HCN4: variants seen among roughly 807,000 people sequenced by gnomAD.
HCN4 encodes potassium/sodium hyperpolarization-activated cyclic nucleotide-gated channel 4.
A neutral mutation model predicts 76.9 loss-of-function variants in HCN4; 29 were observed. The observed-to-expected ratio is 0.38, with a 90% CI of 0.28 to 0.51. The LOEUF is 0.51. HCN4 is among the 20% of genes least tolerant of loss of function. HCN4 has a pLI of 0.90. For synonymous variants in HCN4, 772 were observed against 762.5 expected (o/e 1.01, Z -0.21); for missense variants, 1,416 against 1,715.2 (o/e 0.83, Z 3.08).
Position 73,368,488 on chromosome 15 carries a change from G to C in HCN4, c.-218C>G, listed in dbSNP as rs1156542440. 2.9e-6 allele frequency: 1 copy of C among 346,874 alleles called. No homozygotes were observed. Among genetic ancestry groups the C allele is most frequent in the South Asian group, 1.4e-4 (1 of 6,918 alleles). The allele number at this position is 346,874 out of a possible 1,614,324, so 21.5% of individuals were successfully genotyped here. A position where few individuals can be genotyped will look rare whatever the true frequency, so the allele number is the denominator to read the frequency against. ...GGCTCGCCGCGCTACACCTCCTCCC[G>C]GGCCCGGCTGGGCGCGGGGACCCCG... On this transcript the variant is annotated 5_prime_UTR_variant, in exon 1 of 8. Transcript: ENST00000261917. This position sits in a 1 kb window ranked among gnomAD's most constrained non-coding sequence, Gnocchi z 6.9.
At position 73,321,322 on chromosome 15, in the gene HCN4, G is replaced by C. The variant is rs1366073920; in HGVS notation, c.*1159C>G. On this transcript the variant is annotated 3_prime_UTR_variant, in exon 8 of 8. Transcript: ENST00000261917. Reference sequence around the variant, plus strand: ...ACAGTTTTCTGATGGAAGGAACACAGACTTGGGCCTCAAGGAGGCGTGGAC... The same window carrying C: ...ACAGTTTTCTGATGGAAGGAACACACACTTGGGCCTCAAGGAGGCGTGGAC... The C allele has an allele frequency of 6.6e-6, 1 of 152,162 alleles. No homozygotes were observed. Among genetic ancestry groups the C allele is most frequent in the African/African-American group, 2.4e-5 (1 of 41,422 alleles). The allele number at this position is 152,162 out of a possible 1,614,324, so 9.4% of individuals were successfully genotyped here. A position where few individuals can be genotyped will look rare whatever the true frequency, so the allele number is the denominator to read the frequency against.
At chr15:73,349,193 A>T (rs2043041917) in intron 1 of HCN4, among the ~76,000 whole-genome samples, 1 of 152,114 alleles carries the variant, frequency 6.6e-6, no homozygotes, top group Non-Finnish European at 1.5e-5. Flanking sequence ...CCTCTGGGTT[A>T]TCTTTCCCAT....
Position 73,333,227 on chromosome 15 carries a change from A to C in HCN4, c.1210-935T>G, listed in dbSNP as rs555442591. On this transcript the variant is annotated intron_variant, in intron 2 of 7. Coordinates refer to ENST00000261917, the MANE Select transcript of HCN4 (RefSeq NM_005477.3). ...GCCATGCTGGGGTCCCCTTGCTGAC[A>C]GGGCAGTGGGGGATGGAGAGGTGGA... is the stretch of plus-strand genomic sequence containing the variant. 3.5e-3 allele frequency among the ~76,000 whole-genome samples: 536 copies of C among 152,256 alleles called. 2 individuals carry two copies. The highest frequency in any genetic ancestry group is 0.012 in the African/African-American group (512 of 41,568).
intron 1 of HCN4, among the ~76,000 whole-genome samples, chr15:73,348,225 G>A (rs2043037534): frequency 6.6e-6 from 1 of 152,234 alleles, no homozygotes; most frequent in Non-Finnish European, 1.5e-5. Context: ...TCCTTCCCTG[G>A]AGGCCAAAGA....
intron 3 of HCN4, among the ~76,000 whole-genome samples, chr15:73,331,263 G>A (rs2042930711): frequency 6.6e-6 from 1 of 152,150 alleles, no homozygotes; most frequent in Admixed American, 6.5e-5. Flanking sequence ...TGACCCACTT[G>A]CAAGGTTGGA....
At chr15:73,353,058 ACGGG>A (rs201758249) in intron 1 of HCN4, among the ~76,000 whole-genome samples, 4 of 152,076 alleles carry the variant, frequency 2.6e-5, no homozygotes, top group Admixed American at 6.6e-5. Flanking sequence ...GGACGGACGG[ACGGG>A]AGACTGTTGC....
chr15:73,365,795 A>C (rs1024570932), intron 1 of HCN4, among the ~76,000 whole-genome samples: 2 of 152,128 alleles, frequency 1.3e-5, no homozygotes, highest in African/African-American at 4.8e-5. Context: ...GACAACAAAA[A>C]CAGCAGGGAC....
intron 1 of HCN4, among the ~76,000 whole-genome samples, chr15:73,357,922 C>T (rs1254509785): frequency 6.6e-6 from 1 of 152,170 alleles, no homozygotes; most frequent in African/African-American, 2.4e-5. Context: ...TTCTCAAAAG[C>T]TCTACTGGTC....
At position 73,368,069 on chromosome 15, in the gene HCN4, G is replaced by C. The variant is rs962306052; in HGVS notation, c.202C>G (p.Arg68Gly). 2 of 1,485,730 alleles carry C rather than the reference G, an allele frequency of 1.3e-6. No homozygotes were observed. The highest frequency in any genetic ancestry group is 2.5e-5 in the South Asian group (2 of 79,066). 92.0% of individuals were successfully genotyped at this position (1,485,730 alleles called of 1,614,324 possible). The change falls in exon 1 of 8, where the codon CGG becomes GGG. Residue 68 changes from arginine to glycine, a missense_variant. Physicochemically the swap from Arg to Gly is moderately radical, Grantham distance 125. Transcript: ENST00000261917. The surrounding 1 kb of genome is among the most constrained non-coding windows in gnomAD (Gnocchi z 6.9). ...PSAAAGGTESRSSALGAADSE... is the reference protein window; with the variant it reads ...PSAAAGGTESGSSALGAADSE... The stretch of plus-strand genomic sequence containing the variant: ...TCCGCTGCCCCGAGGGCCGAGCTCC[G>C]GGACTCCGTGCCACCCGCGGCCGCC...
Position 73,320,076 on chromosome 15 carries a change from C to A in HCN4, c.*2405G>T, listed in dbSNP as rs2042847368. 6.6e-6 allele frequency: 1 copy of A among 152,294 alleles called. No homozygotes were observed. Among genetic ancestry groups the A allele is most frequent in the South Asian group, 2.1e-4 (1 of 4,832 alleles). 9.4% of individuals were successfully genotyped at this position (152,294 alleles called of 1,614,324 possible). On this transcript the variant is annotated 3_prime_UTR_variant, in exon 8 of 8. Transcript: ENST00000261917. Reference sequence around the variant, plus strand: ...TAGAGAAGAGGGTGGTTAGGCCAGGCTCTGATGGCAAGGGGGCTCCTCATG... The same window carrying A: ...TAGAGAAGAGGGTGGTTAGGCCAGGATCTGATGGCAAGGGGGCTCCTCATG...
intron 1 of HCN4, among the ~76,000 whole-genome samples, chr15:73,346,354 GAA>G (rs1254372895): frequency 6.6e-6 from 1 of 152,214 alleles, no homozygotes; most frequent in Non-Finnish European, 1.5e-5. Context: ...TCATAAGGAG[GAA>G]ATCAATTGAT....
chr15:73,333,879 C>A (rs988554037), intron 2 of HCN4, among the ~76,000 whole-genome samples: 6 of 152,218 alleles, frequency 3.9e-5, no homozygotes, highest in African/African-American at 1.4e-4. Flanking sequence ...TGCCCAAGAT[C>A]ACGGTGGCAG....
In HCN4 at chr15:73,322,045, C is replaced by G. The variant is rs2042861980; in HGVS notation, c.*436G>C. ...GGCTTCTGAGGCTCCCCAGGGCACA[C>G]CCCAGGGCAGCCCCTTTCTGGGGGC... On this transcript the variant is annotated 3_prime_UTR_variant, in exon 8 of 8. Transcript: ENST00000261917. The G allele has an allele frequency of 4.0e-6, 1 of 251,268 alleles. No individual in the cohort carries two copies. The highest frequency in any genetic ancestry group is 7.7e-6 in the Non-Finnish European group (1 of 129,460). The allele number at this position is 251,268 out of a possible 1,614,324, so 15.6% of individuals were successfully genotyped here. A position where few individuals can be genotyped will look rare whatever the true frequency, so the allele number is the denominator to read the frequency against.
chr15:73,357,372 C>G (rs550877827), intron 1 of HCN4, among the ~76,000 whole-genome samples: 1 of 152,246 alleles, frequency 6.6e-6, no homozygotes, highest in African/African-American at 2.4e-5. Flanking sequence ...CGTTGAACGG[C>G]TTTTCCTGTT....
chr15:73,328,684 G>C lies in HCN4; in HGVS notation c.1590+889C>G, dbSNP rs368853455. Among the ~76,000 whole-genome samples the C allele has an allele frequency of 1.4e-4, 21 of 152,240 alleles. No individual in the cohort carries two copies. Among genetic ancestry groups the C allele is most frequent in the Non-Finnish European group, 2.4e-4 (16 of 68,018 alleles). On this transcript the variant is annotated intron_variant, in intron 4 of 7. Coordinates refer to ENST00000261917, the MANE Select transcript of HCN4 (RefSeq NM_005477.3). The surrounding 1 kb of genome is among the most constrained non-coding windows in gnomAD (Gnocchi z 4.0). The stretch of plus-strand genomic sequence containing the variant: ...CACGCTCAAACAGAGCTCGGCAGCA[G>C]AGAAGCTGGGGTAGGGCCCAGGTGG...
chr15:73,346,147 T>TA (rs1270756633), intron 1 of HCN4, among the ~76,000 whole-genome samples: 3 of 152,168 alleles, frequency 2.0e-5, no homozygotes, highest in Non-Finnish European at 4.4e-5. Context: ...CCTGGATCAT[T>TA]CTTTCCCACA....
At chr15:73,352,912 C>T (rs2043061055) in intron 1 of HCN4, among the ~76,000 whole-genome samples, 1 of 152,164 alleles carries the variant, frequency 6.6e-6, no homozygotes, top group Non-Finnish European at 1.5e-5. Flanking sequence ...GAAATGATTT[C>T]TCTTCCTTTT....
intron 4 of HCN4, among the ~76,000 whole-genome samples, chr15:73,326,071 T>G (rs1481515220): frequency 6.6e-6 from 1 of 152,034 alleles, no homozygotes; most frequent in African/African-American, 2.4e-5. Context: ...TTTGTGAGCC[T>G]CAGACCCTGG....
intron 1 of HCN4, among the ~76,000 whole-genome samples, chr15:73,361,253 C>T (rs2043103582): frequency 6.6e-6 from 1 of 152,270 alleles, no homozygotes; most frequent in Admixed American, 6.5e-5. Flanking sequence ...CTCTGTGCTG[C>T]CTCCCACCTC....
Sources: gnomAD v4.1 joint callset for allele counts (sites outside exome capture counted in the v4.1 genomes callset) on GRCh38, gnomAD v4.1.1 for gene constraint, Gnocchi (gnomAD v3.1) non-coding constraint, MANE v1.5 for transcripts, NCBI Gene and HGNC (gene_info 2026-07-23, HGNC 2026-07-21) for gene names.